SGCZ: variants seen among roughly 807,000 people sequenced by gnomAD.
SGCZ encodes zeta-sarcoglycan.
SGCZ carries 40 observed loss-of-function variants against 41.3 expected under a neutral mutation model. That is an observed-to-expected ratio of 0.97 (90% CI 0.75 to 1.26). The LOEUF is 1.26. Among genes scored for constraint, SGCZ ranks in the 50% most tolerant of loss-of-function variants. The pLI is 0.00. For synonymous variants in SGCZ, 206 were observed against 137.5 expected (o/e 1.50, Z -3.49); for missense variants, 552 against 369.8 (o/e 1.49, Z -4.04).
At chr8:14,543,467 A>G (rs79447136) in intron 2 of SGCZ, among the ~76,000 whole-genome samples, 27 of 152,204 alleles carry the variant, frequency 1.8e-4, no homozygotes, top group Non-Finnish European at 2.8e-4. Flanking sequence ...AGCCTCCATC[A>G]TTATCCTGGA....
intron 1 of SGCZ, among the ~76,000 whole-genome samples, chr8:14,953,912 A>G (rs1485901912): frequency 5.9e-5 from 9 of 152,234 alleles, no homozygotes. Flanking sequence ...AAGCATTTAC[A>G]GGAGATACTG....
At chr8:15,155,693 T>C (rs1052849695) in intron 1 of SGCZ, among the ~76,000 whole-genome samples, 6 of 152,174 alleles carry the variant, frequency 3.9e-5, no homozygotes, top group Admixed American at 2.6e-4. Flanking sequence ...CATGATATAA[T>C]TGATCACCAT....
chr8:14,850,167 A>G (rs1160710588), intron 1 of SGCZ, among the ~76,000 whole-genome samples: 1 of 152,164 alleles, frequency 6.6e-6, no homozygotes, highest in Non-Finnish European at 1.5e-5. Context: ...AGTATCTCAT[A>G]TTATCTCAGT....
chr8:14,093,486 T>C (rs1801750508), intron 7 of SGCZ, among the ~76,000 whole-genome samples: 1 of 152,240 alleles, frequency 6.6e-6, no homozygotes, highest in Non-Finnish European at 1.5e-5. Context: ...CTTGCTCCAG[T>C]TCTTGCATTT....
intron 1 of SGCZ, among the ~76,000 whole-genome samples, chr8:15,225,428 A>G (rs543423107): frequency 8.5e-5 from 13 of 152,316 alleles, no homozygotes; most frequent in African/African-American, 3.1e-4. Context: ...ACAGAGGGAG[A>G]GGAACTGGCA....
chr8:14,528,239 G>C (rs1042467514), intron 2 of SGCZ, among the ~76,000 whole-genome samples: 3 of 152,054 alleles, frequency 2.0e-5, no homozygotes, highest in Non-Finnish European at 2.9e-5. Flanking sequence ...TCTCAAGTTT[G>C]GGAAAGAAGG....
intron 1 of SGCZ, among the ~76,000 whole-genome samples, chr8:15,064,561 G>C (rs981698370): frequency 1.6e-5 from 2 of 126,640 alleles, no homozygotes; most frequent in African/African-American, 3.4e-5. Context: ...AAAAAAAAAA[G>C]TCTGAGTTTC....
intron 5 of SGCZ, among the ~76,000 whole-genome samples, chr8:14,157,554 A>G (rs981353810): frequency 1.8e-4 from 28 of 151,594 alleles, no homozygotes; most frequent in African/African-American, 6.8e-4. Context: ...CATTACTGTT[A>G]TTTATTTGTT....
chr8:14,658,657 T>G (rs914886311), intron 1 of SGCZ, among the ~76,000 whole-genome samples: 4 of 152,190 alleles, frequency 2.6e-5, no homozygotes, highest in African/African-American at 9.7e-5. Context: ...GCCTGAAGTC[T>G]TTCCATACCA....
At chr8:14,964,967 A>G (rs1262696468) in intron 1 of SGCZ, among the ~76,000 whole-genome samples, 1 of 152,172 alleles carries the variant, frequency 6.6e-6, no homozygotes, top group East Asian at 1.9e-4. Context: ...GAGCTCAGGC[A>G]GACAGACCAT....
chr8:14,961,233 G>T (rs1446762965), intron 1 of SGCZ, among the ~76,000 whole-genome samples: 2 of 151,944 alleles, frequency 1.3e-5, no homozygotes, highest in East Asian at 1.9e-4. Context: ...TTTATTAGTT[G>T]GTAAATCTCT....
At chr8:15,223,167 C>T (rs1801660747) in intron 1 of SGCZ, among the ~76,000 whole-genome samples, 1 of 152,100 alleles carries the variant, frequency 6.6e-6, no homozygotes, top group Admixed American at 6.5e-5. Flanking sequence ...TTGAAATAAA[C>T]TTGGTTTACT....
intron 5 of SGCZ, among the ~76,000 whole-genome samples, chr8:14,162,299 G>C (rs1445247807): frequency 6.6e-6 from 1 of 152,092 alleles, no homozygotes; most frequent in East Asian, 1.9e-4. Flanking sequence ...TCGGAATATG[G>C]ATTAAATAAA....
intron 2 of SGCZ, among the ~76,000 whole-genome samples, chr8:14,477,728 C>G (rs1801401887): frequency 6.6e-6 from 1 of 152,148 alleles, no homozygotes; most frequent in Non-Finnish European, 1.5e-5. Flanking sequence ...CTACTCCAGA[C>G]TATCTTAAGT....
At chr8:14,799,456 C>T (rs6984901) in intron 1 of SGCZ, among the ~76,000 whole-genome samples, 53,224 of 151,836 alleles carry the variant, frequency 0.35, 11,421 homozygotes, top group East Asian at 0.5. Flanking sequence ...TGTAACAGAG[C>T]CCCAGTGACC....
At chr8:14,841,966 T>C (rs1372014626) in intron 1 of SGCZ, among the ~76,000 whole-genome samples, 2 of 152,186 alleles carry the variant, frequency 1.3e-5, no homozygotes, top group Non-Finnish European at 2.9e-5. Flanking sequence ...ACTTATTCAG[T>C]ACAGGACTGA....
chr8:14,182,548 C>T (rs1172152825), intron 4 of SGCZ, among the ~76,000 whole-genome samples: 1 of 152,146 alleles, frequency 6.6e-6, no homozygotes, highest in Non-Finnish European at 1.5e-5. Flanking sequence ...GTCTCTGCTC[C>T]TTCTCAATCT....
intron 1 of SGCZ, among the ~76,000 whole-genome samples, chr8:14,873,237 T>C (rs1331525046): frequency 6.6e-6 from 1 of 152,156 alleles, no homozygotes; most frequent in Non-Finnish European, 1.5e-5. Context: ...TGAAATCCTG[T>C]GAAACTATAA....
At chr8:14,885,748 G>C (rs1804762617) in intron 1 of SGCZ, among the ~76,000 whole-genome samples, 1 of 151,778 alleles carries the variant, frequency 6.6e-6, no homozygotes, top group African/African-American at 2.4e-5. Flanking sequence ...GGGTTATTTT[G>C]TTTGTTTTAA....
Sources: gnomAD v4.1 joint callset for allele counts (sites outside exome capture counted in the v4.1 genomes callset) on GRCh38, gnomAD v4.1.1 for gene constraint, MANE v1.5 for transcripts, NCBI Gene and HGNC (gene_info 2026-07-23, HGNC 2026-07-21) for gene names.